Variants in SLC25A26 observed in about 807,000 individuals in gnomAD.
The protein encoded by SLC25A26 is mitochondrial S-adenosylmethionine carrier protein.
SLC25A26 carries 36 observed loss-of-function variants against 37.8 expected under a neutral mutation model. That is an observed-to-expected ratio of 0.95 (90% CI 0.73 to 1.26). The LOEUF (loss-of-function observed/expected upper bound fraction) is 1.26. Ranked by LOEUF, SLC25A26 falls within the 50% of genes most tolerant of loss-of-function variation. SLC25A26 has a pLI of 0.00. For synonymous variants in SLC25A26, 129 were observed against 122.5 expected (o/e 1.05, Z -0.35); for missense variants, 390 against 331.1 (o/e 1.18, Z -1.38).
chr3:66,198,532 A>T (rs2071073652), intron 1 of SLC25A26, among the ~76,000 whole-genome samples: 1 of 151,376 alleles, frequency 6.6e-6, no homozygotes, highest in East Asian at 1.9e-4. Flanking sequence ...GCTCACCCAC[A>T]CCAAGACTCT....
rs71105981 is a variant in SLC25A26, at chr3:66,319,744, CTTTTTT to C, written c.454-26599_454-26594del. ...CAAAGTACTGTGACAGCAATTAAAT[CTTTTTT>C]TTTTTTTTTTTTTTTTTTTTGAGAT... On this transcript the variant is annotated intron_variant, in intron 5 of 9. Transcript: ENST00000354883. Among the ~76,000 whole-genome samples, 3,087 of 91,924 alleles carry C rather than the reference CTTTTTT, an allele frequency of 0.034. 266 individuals carry two copies. In the East Asian group the frequency reaches 0.48, roughly 14 times the overall value. 60.3% of individuals were successfully genotyped at this position (91,924 alleles called of 152,430 possible). A position where few individuals can be genotyped will look rare whatever the true frequency, so the allele number is the denominator to read the frequency against.
intron 1 of SLC25A26, among the ~76,000 whole-genome samples, chr3:66,152,133 T>G (rs1281300520): frequency 1.3e-5 from 2 of 152,178 alleles, no homozygotes; most frequent in Non-Finnish European, 2.9e-5. Context: ...ACTTCTAAAA[T>G]TTTGATGTTT....
intron 2 of SLC25A26, among the ~76,000 whole-genome samples, 199 bp from the exon 3 acceptor site, chr3:66,243,004 G>A (rs1481943750): frequency 6.6e-6 from 1 of 152,180 alleles, no homozygotes; most frequent in South Asian, 2.1e-4. Flanking sequence ...CTGCATTTTT[G>A]TAAGTCTAAG....
At chr3:66,150,920 C>T (rs2070198777) in intron 1 of SLC25A26, among the ~76,000 whole-genome samples, 1 of 151,618 alleles carries the variant, frequency 6.6e-6, no homozygotes, top group African/African-American at 2.4e-5. Context: ...CTTTGGGGTC[C>T]CTTTTGGGTG....
At chr3:66,185,277 G>A (rs1442572591) in intron 1 of SLC25A26, among the ~76,000 whole-genome samples, 2 of 152,168 alleles carry the variant, frequency 1.3e-5, no homozygotes, top group Non-Finnish European at 2.9e-5. Flanking sequence ...GTAGTAGCAT[G>A]TGTCAGAATT....
Position 66,369,492 on chromosome 3 carries a change from G to A in SLC25A26, c.583G>A (p.Ala195Thr). The A allele has an allele frequency of 9.3e-6, 15 of 1,604,966 alleles. No individual in the cohort carries two copies. Among genetic ancestry groups the A allele is most frequent in the Non-Finnish European group, 1.3e-5 (15 of 1,175,756 alleles). The change falls in exon 8 of 10, where the codon GCA becomes ACA. Residue 195 changes from alanine (A) to threonine (T), a missense_variant. By Grantham distance (58) the Ala-to-Thr change is moderately conservative. Transcript: ENST00000354883. The stretch of plus-strand genomic sequence containing the variant: ...TATTTGTACAGGTGGATTTGCCGCT[G>A]CAGTCACCACCCCTCTAGACGTGGC... ...CGAFAGGFAA[A>T]VTTPLDVAKT...
At chr3:66,209,046 A>ATATT (rs2071229247) in intron 1 of SLC25A26, among the ~76,000 whole-genome samples, 5 of 23,714 alleles carry the variant, frequency 2.1e-4, no homozygotes, top group South Asian at 2.4e-3. Flanking sequence ...AGGTGTATAT[A>ATATT]TATATATATA....
intron 1 of SLC25A26, among the ~76,000 whole-genome samples, chr3:66,171,417 T>G (rs913931041): frequency 6.6e-6 from 1 of 152,184 alleles, no homozygotes; most frequent in Non-Finnish European, 1.5e-5. Flanking sequence ...ACAATAACCT[T>G]TTAATAAACC....
At chr3:66,187,325 G>C (rs1480812242) in intron 1 of SLC25A26, among the ~76,000 whole-genome samples, 1 of 151,704 alleles carries the variant, frequency 6.6e-6, no homozygotes, top group African/African-American at 2.4e-5. Flanking sequence ...GGATCAAATC[G>C]TATACTCACC....
At chr3:66,161,173 A>G (rs566085920) in intron 1 of SLC25A26, among the ~76,000 whole-genome samples, 7 of 152,294 alleles carry the variant, frequency 4.6e-5, no homozygotes, top group Admixed American at 3.3e-4. Flanking sequence ...AAAAAAAAAA[A>G]AAAGAACTTC....
chr3:66,209,938 A>G (rs1205156841), intron 1 of SLC25A26, among the ~76,000 whole-genome samples: 2 of 73,402 alleles, frequency 2.7e-5, no homozygotes, highest in Non-Finnish European at 5.3e-5. Flanking sequence ...ATATATATAT[A>G]TATATATATG....
intron 5 of SLC25A26, among the ~76,000 whole-genome samples, chr3:66,303,117 G>C (rs1357423982): frequency 2.0e-5 from 3 of 152,120 alleles, no homozygotes. Context: ...TAATATAGTA[G>C]TTATCATGGT....
At chr3:66,283,468 G>A (rs1378324332) in intron 5 of SLC25A26, among the ~76,000 whole-genome samples, 1 of 152,012 alleles carries the variant, frequency 6.6e-6, no homozygotes, top group Admixed American at 6.6e-5. Flanking sequence ...TTTTTGTAGA[G>A]ATGGGGTTTC....
At chr3:66,343,749 AATCC>A (rs2076259543) in intron 5 of SLC25A26, among the ~76,000 whole-genome samples, 1 of 152,236 alleles carries the variant, frequency 6.6e-6, no homozygotes, top group South Asian at 2.1e-4. Flanking sequence ...CCTTCTTACT[AATCC>A]ATAATCATAC....
intron 1 of SLC25A26, among the ~76,000 whole-genome samples, chr3:66,209,990 A>G (rs1216118859): frequency 2.4e-5 from 3 of 127,584 alleles, no homozygotes; most frequent in Non-Finnish European, 4.9e-5. Context: ...AGATGTCTAT[A>G]GCAATACCAA....
In SLC25A26 at chr3:66,239,524, T is replaced by C. The variant is rs138736835; in HGVS notation, c.190+2824T>C. On this transcript the variant is annotated intron_variant, in intron 2 of 9. Coordinates refer to ENST00000354883, the MANE Select transcript of SLC25A26 (RefSeq NM_001379210.1). ...ATGGCAGAAGCTGCTTCTCCTGTTA[T>C]CTTGACATTTTAAAGCCAAATCTTT... 1.6e-3 allele frequency among the ~76,000 whole-genome samples: 251 copies of C among 152,346 alleles called. 11 individuals are homozygous for C. In the East Asian group the frequency reaches 0.042, roughly 25 times the overall value.
At chr3:66,188,769 C>T (rs2106783149) in intron 1 of SLC25A26, among the ~76,000 whole-genome samples, 1 of 152,136 alleles carries the variant, frequency 6.6e-6, no homozygotes, top group African/African-American at 2.4e-5. Flanking sequence ...CCACCCCCAC[C>T]ACGATTAACA....
At chr3:66,137,845 T>G (rs928820312) in intron 1 of SLC25A26, among the ~76,000 whole-genome samples, 35 of 152,106 alleles carry the variant, frequency 2.3e-4, no homozygotes, top group Admixed American at 6.6e-5. Flanking sequence ...TTTCTTTTTT[T>G]TGTTTTTTGA....
At chr3:66,191,967 G>A (rs1190465898) in intron 1 of SLC25A26, among the ~76,000 whole-genome samples, 2 of 151,834 alleles carry the variant, frequency 1.3e-5, no homozygotes, top group African/African-American at 2.4e-5. Context: ...AGGAAATGGG[G>A]CCTCTAGGTC....
Sources: gnomAD v4.1 joint callset for allele counts (sites outside exome capture counted in the v4.1 genomes callset) on GRCh38, gnomAD v4.1.1 for gene constraint, MANE v1.5 for transcripts, NCBI Gene and HGNC (gene_info 2026-07-23, HGNC 2026-07-21) for gene names.